SAXO1: variants seen among roughly 807,000 people sequenced by gnomAD.
SAXO1 encodes stabilizer of axonemal microtubules 1.
In SAXO1, 21 loss-of-function variants were observed where a neutral mutation model predicts 17.5. The ratio of observed to expected loss-of-function variants is 1.20; its 90% CI spans 0.85 to 1.72. The LOEUF (loss-of-function observed/expected upper bound fraction) is 1.72, where lower values mean the gene tolerates loss of function less well. SAXO1 is among the 40% of genes most tolerant of loss of function. The pLI is 0.00. For missense variants in SAXO1, 843 were observed against 596.0 expected, an observed-to-expected ratio of 1.41 and a Z score of -4.32; for synonymous variants, 274 against 216.5, an observed-to-expected ratio of 1.27 and a Z score of -2.33.
chr9:19,027,841 C>T, intron 1 of SAXO1: 1 of 1,417,156 alleles, frequency 7.1e-7, no homozygotes. Context: ...ACCGGGTGGA[C>T]ATCCTGGACC....
chr9:18,934,073 T>C (rs1831184405), intron 3 of SAXO1, among the ~76,000 whole-genome samples: 1 of 151,946 alleles, frequency 6.6e-6, no homozygotes, highest in Admixed American at 6.6e-5. Context: ...ATAATAATAA[T>C]GTCATTTTTC....
At chr9:19,011,057 C>T (rs1834711958) in intron 1 of SAXO1, among the ~76,000 whole-genome samples, 1 of 152,196 alleles carries the variant, frequency 6.6e-6, no homozygotes. Context: ...CAGTATCCTG[C>T]ATTGCTTTCT....
intron 3 of SAXO1, among the ~76,000 whole-genome samples, chr9:18,941,297 C>A (rs1250071135): frequency 1.9e-5 from 2 of 105,884 alleles, no homozygotes; most frequent in African/African-American, 4.2e-5. Flanking sequence ...AACTACTCAA[C>A]TTTGCTACTA....
intron 1 of SAXO1, among the ~76,000 whole-genome samples, chr9:18,978,659 G>A (rs1173368621): frequency 6.6e-6 from 1 of 152,186 alleles, no homozygotes; most frequent in East Asian, 1.9e-4. Context: ...GCCCGTTATT[G>A]CATTTTTGGC....
chr9:19,032,706 G>A (rs755871042), intron 1 of SAXO1, among the ~76,000 whole-genome samples, 165 bp downstream of exon 1: 17 of 152,210 alleles, frequency 1.1e-4, no homozygotes, highest in Non-Finnish European at 2.1e-4. Flanking sequence ...CTGATGTGGC[G>A]TCCGCGGGCA....
rs1465148095 is a variant in SAXO1, at chr9:18,927,916, A to G, written c.*136T>C. 1 of 902,464 alleles carries G rather than the reference A, an allele frequency of 1.1e-6. No individual in the cohort carries two copies. Among genetic ancestry groups the G allele is most frequent in the African/African-American group, 1.7e-5 (1 of 60,274 alleles). 55.9% of individuals were successfully genotyped at this position (902,464 alleles called of 1,614,324 possible). The stretch of plus-strand genomic sequence containing the variant: ...AGTCAAGTGATTCTCATTTTATTCA[A>G]GTGCTCTGGAAGTGGTGAAGGTTTT... On this transcript the variant is annotated 3_prime_UTR_variant, in exon 4 of 4. Coordinates refer to ENST00000380534, the MANE Select transcript of SAXO1 (RefSeq NM_153707.4).
intron 1 of SAXO1, among the ~76,000 whole-genome samples, chr9:18,961,647 T>A (rs890019191): frequency 1.3e-5 from 2 of 152,200 alleles, no homozygotes; most frequent in African/African-American, 4.8e-5. Flanking sequence ...TTCATCCATG[T>A]CCCTGCAAAA....
At chr9:18,989,306 T>G (rs1399962846) in intron 1 of SAXO1, among the ~76,000 whole-genome samples, 4 of 152,210 alleles carry the variant, frequency 2.6e-5, no homozygotes, top group African/African-American at 9.6e-5. Context: ...GGATACCAAG[T>G]GACTAATTCA....
intron 1 of SAXO1, among the ~76,000 whole-genome samples, chr9:19,039,736 G>C (rs1836030345): frequency 6.6e-6 from 1 of 152,074 alleles, no homozygotes; most frequent in South Asian, 2.1e-4. Context: ...CTTGGAATTT[G>C]CTTTTTTTTG....
intron 1 of SAXO1, among the ~76,000 whole-genome samples, chr9:18,999,915 C>A (rs1283844539): frequency 7.2e-6 from 1 of 139,576 alleles, no homozygotes; most frequent in Non-Finnish European, 1.5e-5. Context: ...AAGTGAGGAG[C>A]GCCTCTGCCC....
At chr9:19,016,838 TG>T (rs1185766533) in intron 1 of SAXO1, among the ~76,000 whole-genome samples, 1 of 150,730 alleles carries the variant, frequency 6.6e-6, no homozygotes, top group East Asian at 1.9e-4. Flanking sequence ...TAACATTTTT[TG>T]AGATACCTTT....
chr9:18,979,092 T>TC (rs1448487131), intron 1 of SAXO1, among the ~76,000 whole-genome samples: 2 of 152,184 alleles, frequency 1.3e-5, no homozygotes, highest in Admixed American at 6.5e-5. Context: ...TTCTAGTACC[T>TC]CATTGAAAGC....
chr9:19,046,054 C>T (rs1183326384), intron 1 of SAXO1, among the ~76,000 whole-genome samples: 1 of 128,326 alleles, frequency 7.8e-6, no homozygotes, highest in African/African-American at 3.2e-5. Flanking sequence ...CGCCGTTGCG[C>T]CTGGGCAACA....
At chr9:19,040,415 C>T (rs1836050725) in intron 1 of SAXO1, among the ~76,000 whole-genome samples, 1 of 151,878 alleles carries the variant, frequency 6.6e-6, no homozygotes, top group Non-Finnish European at 1.5e-5. Context: ...GGCTGAGGCA[C>T]ATGGATCACT....
chr9:19,019,187 T>C (rs1169136340), intron 1 of SAXO1, among the ~76,000 whole-genome samples: 1 of 152,166 alleles, frequency 6.6e-6, no homozygotes, highest in African/African-American at 2.4e-5. Flanking sequence ...TTATTCTTCA[T>C]ATCACATGTA....
chr9:18,956,798 C>T (rs554591338), intron 1 of SAXO1, among the ~76,000 whole-genome samples: 46 of 152,314 alleles, frequency 3.0e-4, no homozygotes, highest in African/African-American at 8.9e-4. Flanking sequence ...GCAATTACTA[C>T]GCACAACACG....
At chr9:18,929,953 C>G (rs929731431) in intron 3 of SAXO1, among the ~76,000 whole-genome samples, 1 of 152,194 alleles carries the variant, frequency 6.6e-6, no homozygotes, top group African/African-American at 2.4e-5. Context: ...TTCATCTTCA[C>G]AATAACCCTT....
At chr9:18,981,187 T>C (rs1477461906) in intron 1 of SAXO1, among the ~76,000 whole-genome samples, 2 of 152,196 alleles carry the variant, frequency 1.3e-5, no homozygotes, top group East Asian at 3.8e-4. Flanking sequence ...TTCTTTGTGA[T>C]TGCGATAATT....
chr9:19,048,984 GCA>G (rs1836286835), intron 1 of SAXO1, among the ~76,000 whole-genome samples: 1 of 152,232 alleles, frequency 6.6e-6, no homozygotes, highest in Non-Finnish European at 1.5e-5. Flanking sequence ...TTCCGCGCCT[GCA>G]CAGTCTCCAT....
Sources: gnomAD v4.1 joint callset for allele counts (sites outside exome capture counted in the v4.1 genomes callset) on GRCh38, gnomAD v4.1.1 for gene constraint, MANE v1.5 for transcripts, NCBI Gene and HGNC (gene_info 2026-07-23, HGNC 2026-07-21) for gene names.